ZNF431: variants seen among roughly 807,000 people sequenced by gnomAD.
ZNF431 encodes the protein zinc finger protein 431.
A neutral mutation model predicts 57.0 loss-of-function variants in ZNF431; 34 were observed. The observed-to-expected ratio is 0.60, with a 90% CI of 0.45 to 0.79. The LOEUF is 0.79. ZNF431 is among the 30% of genes least tolerant of loss of function. ZNF431 has a pLI of 0.00. For synonymous variants in ZNF431, 207 were observed against 220.3 expected (o/e 0.94, Z 0.54); for missense variants, 607 against 667.1 (o/e 0.91, Z 0.99).
At position 21,166,428 on chromosome 19, in the gene ZNF431, A is replaced by T; in HGVS notation, c.190A>T (p.Met64Leu). The T allele has an allele frequency of 2.5e-6, 4 of 1,610,332 alleles. No homozygotes were observed. In the East Asian group the frequency reaches 8.9e-5, roughly 36 times the overall value. Residue 64 changes from methionine to leucine, a missense_variant, in exon 3 of 5, where the codon ATG becomes TTG. Physicochemically the swap from Met to Leu is conservative, Grantham distance 15. Transcript: ENST00000311048. ...TCAGCAGAATTTATATATGAATGTG[A>T]TGTTAGAAAACTACAAAAACCTGGT... is the stretch of plus-strand genomic sequence containing the variant. ...PAQQNLYMNV[M>L]LENYKNLVFL...
rs963280127 is a variant in ZNF431, at chr19:21,189,851, G to T, written c.*5817G>T. On this transcript the variant is annotated 3_prime_UTR_variant, in exon 5 of 5. Coordinates refer to ENST00000311048, the MANE Select transcript of ZNF431 (RefSeq NM_133473.4). ...CATGTGATTGAGAATAATAGTTTTT[G>T]TTTTTTTTTTAAGGCCAGGAGTGGT... 5.8e-6 allele frequency: 2 copies of T among 343,402 alleles called. No homozygotes were observed. Among genetic ancestry groups the T allele is most frequent in the Admixed American group, 4.9e-5 (1 of 20,556 alleles). 21.3% of individuals were successfully genotyped at this position (343,402 alleles called of 1,614,324 possible). A position where few individuals can be genotyped will look rare whatever the true frequency, so the allele number is the denominator to read the frequency against.
chr19:21,183,282 C>T lies in ZNF431; in HGVS notation c.979C>T (p.Gln327Ter). 1 of 1,613,376 alleles carries T rather than the reference C, an allele frequency of 6.2e-7. No homozygotes were observed. The highest frequency in any genetic ancestry group is 8.5e-7 in the Non-Finnish European group (1 of 1,179,834). Residue 327 changes from glutamine to a stop codon, truncating the protein, a stop_gained, in exon 5 of 5, where the codon CAG becomes TAG. Coordinates refer to ENST00000311048, the MANE Select transcript of ZNF431 (RefSeq NM_133473.4). LOFTEE classifies it high-confidence loss of function. ...TGAAGAATGTGGCAAAGCTTTTAAC[C>T]AGTCTTCAACCCTTAGTACACATAA... Reference protein sequence around the residue: ...KCEECGKAFNQSSTLSTHKFI... With the variant: ...KCEECGKAFN
Position 21,183,749 on chromosome 19 carries a change from A to G in ZNF431, c.1446A>G (p.Lys482=). The change falls in exon 5 of 5, where the codon AAA becomes AAG. Residue 482 remains lysine, a synonymous_variant. Coordinates refer to ENST00000311048, the MANE Select transcript of ZNF431 (RefSeq NM_133473.4). The stretch of plus-strand genomic sequence containing the variant: ...ATAAGAGAATTCACACTGGAGAGAA[A>G]CCCTACAAATGTGAAGAATGTGGCA... ...TTHKRIHTGE[K]PYKCEECGKA... The G allele has an allele frequency of 6.2e-7, 1 of 1,613,794 alleles. No homozygotes were observed. Among genetic ancestry groups the G allele is most frequent in the East Asian group, 2.2e-5 (1 of 44,838 alleles).
chr19:21,178,637 G>A (rs1032587838), intron 4 of ZNF431, among the ~76,000 whole-genome samples: 2 of 152,046 alleles, frequency 1.3e-5, no homozygotes, highest in African/African-American at 4.8e-5. Flanking sequence ...CTTCCATCCC[G>A]GGAATAAAGC....
At chr19:21,164,695 C>T (rs182130031) in intron 2 of ZNF431, among the ~76,000 whole-genome samples, 162 of 152,220 alleles carry the variant, frequency 1.1e-3, no homozygotes, top group African/African-American at 3.5e-3. Context: ...TGTGTCCACT[C>T]TGCCTCCTGG....
intron 4 of ZNF431, among the ~76,000 whole-genome samples, chr19:21,168,139 T>C (rs983134558): frequency 5.9e-5 from 9 of 152,156 alleles, no homozygotes; most frequent in Non-Finnish European, 1.2e-4. Flanking sequence ...TGTATTACTA[T>C]AGTCTTAAAA....
At chr19:21,146,833 G>A (rs1970111942) in intron 2 of ZNF431, among the ~76,000 whole-genome samples, 1 of 152,100 alleles carries the variant, frequency 6.6e-6, no homozygotes, top group African/African-American at 2.4e-5. Flanking sequence ...ATTTTACCCA[G>A]CCCCTATTCA....
intron 2 of ZNF431, chr19:21,150,345 A>G (rs757925291): frequency 5.2e-6 from 2 of 384,912 alleles, no homozygotes; most frequent in East Asian, 6.6e-5. Flanking sequence ...CTTTTCTCAA[A>G]CAGGAAATTC....
chr19:21,192,467 G>C lies in ZNF431; in HGVS notation c.*8433G>C, dbSNP rs1163494148. The C allele has an allele frequency of 6.6e-6, 1 of 152,030 alleles. No individual in the cohort carries two copies. Among genetic ancestry groups the C allele is most frequent in the African/African-American group, 2.4e-5 (1 of 41,420 alleles). The allele number at this position is 152,030 out of a possible 1,614,324, so 9.4% of individuals were successfully genotyped here. ...AGGCAGGAGTCACTGCACCTTGCCT[G>C]TTTATAATTTTTAAGATTTACTAAG... On this transcript the variant is annotated 3_prime_UTR_variant, in exon 5 of 5. Transcript: ENST00000311048.
At position 21,192,118 on chromosome 19, in the gene ZNF431, T is replaced by C. The variant is rs191159396; in HGVS notation, c.*8084T>C. The C allele has an allele frequency of 2.5e-4, 38 of 152,302 alleles. No individual in the cohort carries two copies. The highest frequency in any genetic ancestry group is 8.4e-4 in the African/African-American group (35 of 41,582). 9.4% of individuals were successfully genotyped at this position (152,302 alleles called of 1,614,324 possible). A position where few individuals can be genotyped will look rare whatever the true frequency, so the allele number is the denominator to read the frequency against. On this transcript the variant is annotated 3_prime_UTR_variant, in exon 5 of 5. Transcript: ENST00000311048. ...GATAGTTATTAATGTAGAGAAATGC[T>C]GTGACTTTTTGATGGTGCTTTTGTA...
intron 2 of ZNF431, among the ~76,000 whole-genome samples, chr19:21,161,252 G>A (rs1970557921): frequency 6.6e-6 from 1 of 152,158 alleles, no homozygotes; most frequent in Non-Finnish European, 1.5e-5. Context: ...CTGGGTACAT[G>A]GTTGAATTAA....
chr19:21,174,951 G>A (rs1367925001), intron 4 of ZNF431, among the ~76,000 whole-genome samples: 6 of 151,886 alleles, frequency 4.0e-5, no homozygotes, highest in Non-Finnish European at 7.4e-5. Flanking sequence ...TAGTAGAGAC[G>A]GGGTTTCACC....
At chr19:21,166,953 T>G (rs1295051846) in intron 3 of ZNF431, among the ~76,000 whole-genome samples, 1 of 152,010 alleles carries the variant, frequency 6.6e-6, no homozygotes. Flanking sequence ...ACCTCCACCC[T>G]GGGTTCAAGC....
chr19:21,188,875 C>G lies in ZNF431; in HGVS notation c.*4841C>G, dbSNP rs1462660373. 2.0e-5 allele frequency: 3 copies of G among 152,134 alleles called. No homozygotes were observed. The highest frequency in any genetic ancestry group is 7.2e-5 in the African/African-American group (3 of 41,412). 9.4% of individuals were successfully genotyped at this position (152,134 alleles called of 1,614,324 possible). A position where few individuals can be genotyped will look rare whatever the true frequency, so the allele number is the denominator to read the frequency against. On this transcript the variant is annotated 3_prime_UTR_variant, in exon 5 of 5. Transcript: ENST00000311048. ...CCATCAGCACCAGAAACTCCAGGTG[C>G]CCCAAGCTTAAAGTAAAAATCCTAA... is the stretch of plus-strand genomic sequence containing the variant.
intron 2 of ZNF431, among the ~76,000 whole-genome samples, chr19:21,155,294 T>C (rs1970389349): frequency 6.6e-6 from 1 of 152,214 alleles, no homozygotes; most frequent in African/African-American, 2.4e-5. Context: ...TCCCCATTTC[T>C]TGTTTTTGTC....
chr19:21,165,061 A>G (rs1334491565), intron 2 of ZNF431, among the ~76,000 whole-genome samples: 1 of 147,352 alleles, frequency 6.8e-6, no homozygotes, highest in African/African-American at 2.5e-5. Context: ...GTGAGCCGAG[A>G]TCACACCATT....
intron 2 of ZNF431, among the ~76,000 whole-genome samples, chr19:21,146,018 C>T (rs1398970425): frequency 6.6e-6 from 1 of 152,060 alleles, no homozygotes; most frequent in Non-Finnish European, 1.5e-5. Flanking sequence ...TTTATTTAGA[C>T]CACTGAAGAC....
chr19:21,168,490 C>T (rs1227539334), intron 4 of ZNF431, among the ~76,000 whole-genome samples: 2 of 151,958 alleles, frequency 1.3e-5, no homozygotes, highest in Non-Finnish European at 2.9e-5. Flanking sequence ...CTTCAGCCTT[C>T]TGAGTAGCTG....
chr19:21,168,757 T>A (rs559999929), intron 4 of ZNF431, among the ~76,000 whole-genome samples: 1 of 152,318 alleles, frequency 6.6e-6, no homozygotes, highest in South Asian at 2.1e-4. Flanking sequence ...TTCTTCGTTA[T>A]ATTTGTTCTC....
Sources: gnomAD v4.1 joint callset for allele counts (sites outside exome capture counted in the v4.1 genomes callset) on GRCh38, gnomAD v4.1.1 for gene constraint, MANE v1.5 for transcripts, NCBI Gene and HGNC (gene_info 2026-07-23, HGNC 2026-07-21) for gene names.